TNPO1: variants seen among roughly 807,000 people sequenced by gnomAD.
TNPO1 encodes the protein transportin 1, also known as transportin-1.
In TNPO1, 8 loss-of-function variants were observed where a neutral mutation model predicts 119.5. The ratio of observed to expected loss-of-function variants is 0.07; its 90% CI spans 0.04 to 0.12. The LOEUF (loss-of-function observed/expected upper bound fraction) is 0.12, where lower values mean the gene tolerates loss of function less well. Among genes scored for constraint, TNPO1 ranks in the 10% least tolerant of loss-of-function variants. The pLI is 1.00. For missense variants in TNPO1, 576 were observed against 1,089.8 expected, an observed-to-expected ratio of 0.53 and a Z score of 6.64; for synonymous variants, 362 against 363.0, an observed-to-expected ratio of 1.00 and a Z score of 0.03.
intron 13 of TNPO1, 41 bp from the exon 14 acceptor site, chr5:72,889,745 C>T: frequency 6.5e-7 from 1 of 1,540,978 alleles, no homozygotes; most frequent in Non-Finnish European, 8.7e-7. Flanking sequence ...TTAGATATAT[C>T]TTACAGTCAA....
At chr5:72,895,316 A>G (rs1749350407) in intron 18 of TNPO1, among the ~76,000 whole-genome samples, 1 of 147,528 alleles carries the variant, frequency 6.8e-6, no homozygotes, top group Non-Finnish European at 1.5e-5. Context: ...TATAGATGGT[A>G]TTGTGTACTT....
At chr5:72,858,143 A>G (rs1305349739) in intron 4 of TNPO1, among the ~76,000 whole-genome samples, 5 of 152,214 alleles carry the variant, frequency 3.3e-5, no homozygotes, top group African/African-American at 7.2e-5. Flanking sequence ...AGGAGCTTCA[A>G]ACATAACTGC....
At chr5:72,863,614 A>C (rs758690393) in intron 5 of TNPO1, among the ~76,000 whole-genome samples, 5 of 152,066 alleles carry the variant, frequency 3.3e-5, no homozygotes, top group African/African-American at 1.2e-4. Context: ...TACAAAAATT[A>C]GCCAGGCATG....
intron 6 of TNPO1, among the ~76,000 whole-genome samples, chr5:72,869,509 T>C (rs186249747): frequency 8.5e-5 from 13 of 152,280 alleles, no homozygotes; most frequent in Admixed American, 6.5e-4. Context: ...ATTGCGCCAC[T>C]GCACTCCCTC....
intron 1 of TNPO1, among the ~76,000 whole-genome samples, chr5:72,821,284 A>G (rs1359894645): frequency 1.3e-5 from 2 of 152,180 alleles, no homozygotes; most frequent in Non-Finnish European, 1.5e-5. Flanking sequence ...CTAGATGCAT[A>G]TGTTTCTACC....
chr5:72,865,347 C>A (rs1306093684), intron 5 of TNPO1, among the ~76,000 whole-genome samples: 1 of 151,302 alleles, frequency 6.6e-6, no homozygotes, highest in Non-Finnish European at 1.5e-5. Flanking sequence ...GAGGCTGAGG[C>A]AGGAGAGTCA....
intron 9 of TNPO1, among the ~76,000 whole-genome samples, chr5:72,881,881 T>C (rs1748271263): frequency 6.6e-6 from 1 of 152,214 alleles, no homozygotes. Context: ...TGCCTCATTT[T>C]CCATAACTTT....
intron 5 of TNPO1, among the ~76,000 whole-genome samples, chr5:72,865,132 T>A (rs977290431): frequency 6.6e-6 from 1 of 152,194 alleles, no homozygotes; most frequent in African/African-American, 2.4e-5. Flanking sequence ...CTCGATGATA[T>A]AATAATTTGT....
chr5:72,841,542 C>G (rs776901206), intron 1 of TNPO1, among the ~76,000 whole-genome samples: 1 of 151,726 alleles, frequency 6.6e-6, no homozygotes, highest in Admixed American at 6.6e-5. Context: ...TTAGTAGAGA[C>G]GGGGTTTCAC....
intron 22 of TNPO1, among the ~76,000 whole-genome samples, chr5:72,901,471 T>A (rs1281858029): frequency 6.6e-6 from 1 of 152,204 alleles, no homozygotes; most frequent in East Asian, 1.9e-4. Context: ...ATAAAATACT[T>A]TGAATCAGAT....
chr5:72,820,100 T>C (rs1743887123), intron 1 of TNPO1, among the ~76,000 whole-genome samples: 1 of 152,230 alleles, frequency 6.6e-6, no homozygotes, highest in Non-Finnish European at 1.5e-5. Context: ...GACTTTACTA[T>C]GTGAGTAATT....
At chr5:72,850,812 TAA>T (rs1254554391) in intron 2 of TNPO1, among the ~76,000 whole-genome samples, 5 of 152,222 alleles carry the variant, frequency 3.3e-5, no homozygotes, top group East Asian at 1.9e-4. Context: ...ATCTTTTTTT[TAA>T]AAGTTATTCT....
At chr5:72,896,382 C>A in intron 18 of TNPO1, 76 bp from the exon 19 acceptor site, 2 of 861,626 alleles carry the variant, frequency 2.3e-6, no homozygotes, top group Non-Finnish European at 3.4e-6. Context: ...TTTCTGTTTC[C>A]ACCTAGTAGA....
chr5:72,826,692 T>C (rs915444555), intron 1 of TNPO1, among the ~76,000 whole-genome samples: 1 of 152,202 alleles, frequency 6.6e-6, no homozygotes, highest in Non-Finnish European at 1.5e-5. Flanking sequence ...GTATAATGAC[T>C]AGGAAAGTTA....
intron 18 of TNPO1, among the ~76,000 whole-genome samples, chr5:72,895,412 T>G (rs1749358834): frequency 6.6e-6 from 1 of 151,896 alleles, no homozygotes; most frequent in Non-Finnish European, 1.5e-5. Flanking sequence ...GGTTCTCAAC[T>G]AGGGGCAATT....
chr5:72,861,547 G>A (rs964549136), intron 4 of TNPO1, among the ~76,000 whole-genome samples: 3 of 152,036 alleles, frequency 2.0e-5, no homozygotes, highest in Admixed American at 1.3e-4. Context: ...GATCACAGGC[G>A]CATACCATCA....
intron 11 of TNPO1, among the ~76,000 whole-genome samples, chr5:72,886,203 T>G (rs266446): frequency 0.82 from 125,315 of 152,122 alleles, 51,849 homozygotes; most frequent in Non-Finnish European, 0.86. Flanking sequence ...AAATTATTAT[T>G]ATAATAAAAT....
At chr5:72,906,275 CTTTTTTTTTTTTTTTTTTTTTTTTTTT>C (rs869051297) in intron 24 of TNPO1, among the ~76,000 whole-genome samples, 1 of 54,698 alleles carries the variant, frequency 1.8e-5, no homozygotes, top group African/African-American at 6.8e-5. Context: ...TTTTTTTTTT[CTTTTTTTTTTTTTTTTTTTTTTTTTTT>C]TTTTTTTTTT....
chr5:72,898,684 A>G (rs1187455639), intron 20 of TNPO1, among the ~76,000 whole-genome samples: 1 of 152,126 alleles, frequency 6.6e-6, no homozygotes, highest in Non-Finnish European at 1.5e-5. Flanking sequence ...TATATCCTGC[A>G]CTGAACTTTT....
Sources: gnomAD v4.1 joint callset for allele counts (sites outside exome capture counted in the v4.1 genomes callset) on GRCh38, gnomAD v4.1.1 for gene constraint, MANE v1.5 for transcripts, NCBI Gene and HGNC (gene_info 2026-07-23, HGNC 2026-07-21) for gene names.